Variants in WDR33 observed in about 807,000 individuals in gnomAD.
WDR33 encodes WD repeat domain 33, also known as pre-mRNA 3' end processing protein WDR33.
Under a neutral mutation model 164.9 loss-of-function variants are expected in WDR33, and 47 were observed. That is an observed-to-expected ratio of 0.29 (90% CI 0.23 to 0.36). WDR33 has a LOEUF of 0.36. Among genes scored for constraint, WDR33 ranks in the 10% least tolerant of loss-of-function variants. The pLI is 1.00. For synonymous variants in WDR33, 505 were observed against 589.0 expected, an observed-to-expected ratio of 0.86 and a Z score of 2.06; for missense variants, 1,137 against 1,754.1, an observed-to-expected ratio of 0.65 and a Z score of 6.28.
chr2:127,809,833 T>G (rs1689583415), intron 1 of WDR33, among the ~76,000 whole-genome samples: 1 of 152,112 alleles, frequency 6.6e-6, no homozygotes, highest in Non-Finnish European at 1.5e-5. Context: ...ATATGGAACT[T>G]CAAGTCTCAG....
Position 127,719,232 on chromosome 2 carries a change from C to A in WDR33, c.2760+33G>T. The A allele has an allele frequency of 7.2e-7, 1 of 1,392,578 alleles. No individual in the cohort carries two copies. The highest frequency in any genetic ancestry group is 2.1e-5 in the South Asian group (1 of 48,278). The allele number at this position is 1,392,578 out of a possible 1,614,324, so 86.3% of individuals were successfully genotyped here. On this transcript the variant is annotated intron_variant, in intron 16 of 21. Transcript: ENST00000322313. The surrounding 1 kb of genome is among the most constrained non-coding windows in gnomAD (Gnocchi z 6.5). ...TTACTTCTGTGCAGAGTGTATTTTC[C>A]CAATGTGCCCGTGAGTTGGAAATGA...
rs1272253406 is a variant in WDR33 at position 127,738,550 on chromosome 2, G to A, written c.725-11773C>T. Among the ~76,000 whole-genome samples, 3 of 151,994 alleles carry A rather than the reference G, an allele frequency of 2.0e-5. No homozygotes were observed. The highest frequency in any genetic ancestry group is 2.0e-4 in the Admixed American group (3 of 15,246). Reference sequence around the variant, plus strand: ...AGAGTAGCTGTTGTTGAAGAAACTTGACAAACTCTACCTCAAGCAGATGAT... The same window carrying A: ...AGAGTAGCTGTTGTTGAAGAAACTTAACAAACTCTACCTCAAGCAGATGAT... On this transcript the variant is annotated intron_variant, in intron 7 of 21. Coordinates refer to ENST00000322313, the MANE Select transcript of WDR33 (RefSeq NM_018383.5). This position sits in a 1 kb window ranked among gnomAD's most constrained non-coding sequence, Gnocchi z 4.4.
intron 9 of WDR33, 41 bp downstream of exon 9, chr2:127,725,020 A>G (rs1686531013): frequency 1.9e-6 from 3 of 1,614,018 alleles, no homozygotes; most frequent in Non-Finnish European, 2.5e-6. Flanking sequence ...AGAATGTTAC[A>G]GGTAACAGTG....
chr2:127,795,656 A>AT (rs1413261353), intron 1 of WDR33, among the ~76,000 whole-genome samples: 2 of 135,938 alleles, frequency 1.5e-5, no homozygotes, highest in Non-Finnish European at 1.6e-5. Context: ...CCTCCTTTCT[A>AT]TAAAAAAAAA....
At chr2:127,779,816 T>G (rs1322533878) in intron 1 of WDR33, among the ~76,000 whole-genome samples, 1 of 152,112 alleles carries the variant, frequency 6.6e-6, no homozygotes, top group Admixed American at 6.6e-5. Flanking sequence ...ATCCAACAAT[T>G]CCTACCATGT....
chr2:127,807,896 TAGAGGCTAC>T (rs1689495666), intron 1 of WDR33, among the ~76,000 whole-genome samples: 3 of 152,202 alleles, frequency 2.0e-5, no homozygotes, highest in Admixed American at 2.0e-4. Flanking sequence ...GCCTAGGAAT[TAGAGGCTAC>T]AGTGAGCCAT....
intron 17 of WDR33, among the ~76,000 whole-genome samples, chr2:127,715,114 A>T (rs1686269478): frequency 1.6e-5 from 2 of 122,664 alleles, no homozygotes; most frequent in Admixed American, 9.3e-5. Flanking sequence ...TTTTTTTGAG[A>T]CAGAGGCTTA....
At chr2:127,794,465 C>T (rs1688954779) in intron 1 of WDR33, among the ~76,000 whole-genome samples, 1 of 151,530 alleles carries the variant, frequency 6.6e-6, no homozygotes. Flanking sequence ...TGCACCATCG[C>T]ACCCCAGCCT....
intron 1 of WDR33, among the ~76,000 whole-genome samples, chr2:127,785,400 T>G (rs115833060): frequency 0.014 from 2,167 of 152,296 alleles, 61 homozygotes; most frequent in African/African-American, 0.05. Context: ...TCTTGAGTTG[T>G]GACAAATGTC....
intron 1 of WDR33, among the ~76,000 whole-genome samples, chr2:127,800,900 G>A (rs1013045905): frequency 2.0e-5 from 3 of 151,968 alleles, no homozygotes; most frequent in African/African-American, 7.2e-5. Context: ...GCTCTTTACT[G>A]AAACTTTTAA....
intron 1 of WDR33, among the ~76,000 whole-genome samples, chr2:127,803,300 C>T (rs1385127528): frequency 6.6e-6 from 1 of 152,124 alleles, no homozygotes; most frequent in Non-Finnish European, 1.5e-5. Flanking sequence ...CCAATGTAGG[C>T]CAGGCACAGT....
chr2:127,735,251 G>T lies in WDR33; in HGVS notation c.725-8474C>A. The T allele has an allele frequency of 2.5e-6, 1 of 400,918 alleles. No individual in the cohort carries two copies. Among genetic ancestry groups the T allele is most frequent in the Non-Finnish European group, 3.4e-6 (1 of 295,828 alleles). The allele number at this position is 400,918 out of a possible 1,614,324, so 24.8% of individuals were successfully genotyped here. On this transcript the variant is annotated intron_variant, in intron 7 of 21. Coordinates refer to ENST00000322313, the MANE Select transcript of WDR33 (RefSeq NM_018383.5). This position sits in a 1 kb window ranked among gnomAD's most constrained non-coding sequence, Gnocchi z 4.3. ...TTTGTGCCCTGTGCATTTTTCTCAGGCCCTCACCCCTCCTCCACCTGATCA... is the reference window on the plus strand; with the variant it reads ...TTTGTGCCCTGTGCATTTTTCTCAGTCCCTCACCCCTCCTCCACCTGATCA...
In WDR33 at chr2:127,710,291, A is replaced by G. The variant is rs1686127118; in HGVS notation, c.3309-435T>C. On this transcript the variant is annotated intron_variant, in intron 18 of 21. Transcript: ENST00000322313. The surrounding 1 kb of genome is among the most constrained non-coding windows in gnomAD (Gnocchi z 4.4). ...TGACCCTCGGCCCAGGTTCTGTATC[A>G]CTGCCTCACAAATACTTATCATTAT... is the stretch of plus-strand genomic sequence containing the variant. 6.6e-6 allele frequency among the ~76,000 whole-genome samples: 1 copy of G among 152,224 alleles called. No individual in the cohort carries two copies. The highest frequency in any genetic ancestry group is 1.5e-5 in the Non-Finnish European group (1 of 68,040).
Position 127,773,322 on chromosome 2 carries a change from T to C in WDR33, c.-23-2318A>G, listed in dbSNP as rs184512499. Among the ~76,000 whole-genome samples, 116 of 152,312 alleles carry C rather than the reference T, an allele frequency of 7.6e-4. 1 individual carries two copies. Among genetic ancestry groups the C allele is most frequent in the African/African-American group, 2.6e-3 (109 of 41,568 alleles). On this transcript the variant is annotated intron_variant, in intron 1 of 21. Coordinates refer to ENST00000322313, the MANE Select transcript of WDR33 (RefSeq NM_018383.5). ...ACTAAATAATGAGCCTGAAAAAATT[T>C]ATGATTTCCTTTTGATGAAATATTC...
intron 4 of WDR33, among the ~76,000 whole-genome samples, chr2:127,765,759 G>A (rs2105437083): frequency 6.6e-6 from 1 of 151,156 alleles, no homozygotes; most frequent in Non-Finnish European, 1.5e-5. Flanking sequence ...TAAGGACACT[G>A]AGGCTTTCAA....
At position 127,720,026 on chromosome 2, in the gene WDR33, G is replaced by A. The variant is rs778431148; in HGVS notation, c.1999C>T (p.Arg667Trp). ...GPQGPPQGLP[R>W]PQDMHGPQGM... is the part of the protein sequence containing the mutation. ...TGGGGCCCATGCATGTCCTGAGGCC[G>A]TGGCAACCCCTGGGGCGGGCCCTGG... Residue 667 changes from arginine (R) to tryptophan (W), a missense_variant, in exon 16 of 22, where the codon CGG (arginine) becomes TGG (tryptophan). Coordinates refer to ENST00000322313, the MANE Select transcript of WDR33 (RefSeq NM_018383.5). The surrounding 1 kb of genome is among the most constrained non-coding windows in gnomAD (Gnocchi z 5.9). The A allele has an allele frequency of 5.3e-5, 85 of 1,613,760 alleles. 1 individual carries two copies. Among genetic ancestry groups the A allele is most frequent in the South Asian group, 4.9e-4 (45 of 91,090 alleles).
intron 7 of WDR33, among the ~76,000 whole-genome samples, chr2:127,740,071 A>G (rs1256459082): frequency 6.6e-6 from 1 of 152,176 alleles, no homozygotes; most frequent in Non-Finnish European, 1.5e-5. Context: ...ACTAAGAAAA[A>G]CAGCATTTAA....
chr2:127,783,599 CTTTTTTTTTTTTTT>C lies in WDR33; in HGVS notation c.-23-12609_-23-12596del, dbSNP rs35345585. Among the ~76,000 whole-genome samples the C allele has an allele frequency of 4.7e-5, 4 of 84,414 alleles. 1 individual carries two copies. Among genetic ancestry groups the C allele is most frequent in the African/African-American group, 2.0e-4 (4 of 20,202 alleles). The allele number at this position is 84,414 out of a possible 152,430, so 55.4% of individuals were successfully genotyped here. On this transcript the variant is annotated intron_variant, in intron 1 of 21. Coordinates refer to ENST00000322313, the MANE Select transcript of WDR33 (RefSeq NM_018383.5). ...CTTCAGCTATTTTATTTCAGGACTC[CTTTTTTTTTTTTTT>C]TTTTTTTTTTTGAGACAGTCTCGCT...
In WDR33 at chr2:127,703,938, T is replaced by G. The variant is rs1471091182; in HGVS notation, c.*2385A>C. On this transcript the variant is annotated 3_prime_UTR_variant, in exon 22 of 22. Transcript: ENST00000322313. ...TTCAAGACCAGCCTGGGCAACACAGTTAAACCCCATCGCCACAGAAAATCT... is the reference window on the plus strand; with the variant it reads ...TTCAAGACCAGCCTGGGCAACACAGGTAAACCCCATCGCCACAGAAAATCT... 3.0e-5 allele frequency: 5 copies of G among 166,734 alleles called. No individual in the cohort carries two copies. Among genetic ancestry groups the G allele is most frequent in the African/African-American group, 1.2e-4 (5 of 41,366 alleles). The allele number at this position is 166,734 out of a possible 1,614,324, so 10.3% of individuals were successfully genotyped here.
Sources: allele counts gnomAD v4.1 joint callset (sites outside exome capture counted in the v4.1 genomes callset), GRCh38; gene constraint gnomAD v4.1.1; non-coding constraint Gnocchi (gnomAD v3.1); transcripts MANE v1.5; gene names NCBI Gene and HGNC (gene_info 2026-07-23, HGNC 2026-07-21).